Variants in CCDC57 observed in about 807,000 individuals in gnomAD.
The protein encoded by CCDC57 is coiled-coil domain containing 57.
In CCDC57, 118 loss-of-function variants were observed where a neutral mutation model predicts 118.9. The observed-to-expected ratio is 0.99, with a 90% CI of 0.86 to 1.16. The LOEUF (loss-of-function observed/expected upper bound fraction) is 1.16. CCDC57 is among the 50% of genes most tolerant of loss of function. The probability of loss-of-function intolerance (pLI) is 0.00; values close to 1 mark genes in which losing one functional copy is unlikely to be tolerated. For synonymous variants in CCDC57, 527 were observed against 532.9 expected, an observed-to-expected ratio of 0.99 and a Z score of 0.15; for missense variants, 1,300 against 1,320.7, an observed-to-expected ratio of 0.98 and a Z score of 0.24.
intron 16 of CCDC57, chr17:82,135,013 A>G (rs376141587): frequency 6.6e-6 from 1 of 152,208 alleles, no homozygotes; most frequent in Admixed American, 6.6e-5. Flanking sequence ...CAGGATTACA[A>G]ATCAGTTTCG....
chr17:82,134,065 G>A lies in CCDC57; in HGVS notation c.2577+8C>T, dbSNP rs4789754. The A allele has an allele frequency of 0.43, 598,100 of 1,380,424 alleles. 135,386 individuals are homozygous for A. Among genetic ancestry groups the A allele is most frequent in the East Asian group, 0.88 (28,751 of 32,530 alleles). The allele number at this position is 1,380,424 out of a possible 1,614,324, so 85.5% of individuals were successfully genotyped here. A position where few individuals can be genotyped will look rare whatever the true frequency, so the allele number is the denominator to read the frequency against. On this transcript the variant is annotated splice_region_variant and intron_variant, in intron 17 of 19. Transcript: ENST00000665763. ...TAAAAATGCATGTCTTAGATGAAGG[G>A]GTGTTACCTGAGATGTAAAATGGGG...
chr17:82,102,253 C>T (rs796720036), intron 19 of CCDC57, among the ~76,000 whole-genome samples: 2 of 152,174 alleles, frequency 1.3e-5, no homozygotes, highest in African/African-American at 4.8e-5. Flanking sequence ...AAAGCTCCTC[C>T]CCCCAGGCTG....
At chr17:82,102,007 C>T in intron 19 of CCDC57, 141 bp from the exon 19 acceptor site, 6 of 828,700 alleles carry the variant, frequency 7.2e-6, no homozygotes, top group Non-Finnish European at 1.1e-5. Context: ...GGCTTTCCTC[C>T]AGGAGTCCGT....
chr17:82,167,844 G>C (rs2044197796), intron 13 of CCDC57, among the ~76,000 whole-genome samples: 1 of 152,214 alleles, frequency 6.6e-6, no homozygotes, highest in South Asian at 2.1e-4. Context: ...TTCAACTACT[G>C]ACCTCAGGTG....
rs150070783 is a variant in CCDC57, at chr17:82,110,555, C to T, written c.2900-8689G>A. On this transcript the variant is annotated intron_variant, in intron 19 of 19. Transcript: ENST00000665763. ...CAGGTAGATGATTCACTTTCTCTTT[C>T]GGCAAACAGACCATGCCTAGAATCT... 4.1e-4 allele frequency among the ~76,000 whole-genome samples: 62 copies of T among 152,290 alleles called. 1 individual carries two copies. Among genetic ancestry groups the T allele is most frequent in the African/African-American group, 1.4e-3 (57 of 41,568 alleles).
chr17:82,125,517 A>G (rs1331626526), intron 19 of CCDC57, among the ~76,000 whole-genome samples: 2 of 152,022 alleles, frequency 1.3e-5, no homozygotes, highest in Non-Finnish European at 2.9e-5. Flanking sequence ...CTGGGATTAC[A>G]GGCATGCGCC....
chr17:82,208,697 A>T (rs2049951933), intron 1 of CCDC57, among the ~76,000 whole-genome samples: 1 of 150,382 alleles, frequency 6.6e-6, no homozygotes, highest in Non-Finnish European at 1.5e-5. Flanking sequence ...TGCCCAGTTA[A>T]TTTTTTTTTT....
At chr17:82,197,690 T>C (rs1222155955) in intron 4 of CCDC57, among the ~76,000 whole-genome samples, 1 of 152,216 alleles carries the variant, frequency 6.6e-6, no homozygotes, top group Non-Finnish European at 1.5e-5. Flanking sequence ...TGGGAGTGTC[T>C]GCAAGGGTGT....
chr17:82,152,157 A>G (rs1456233734), intron 15 of CCDC57: 6 of 246,196 alleles, frequency 2.4e-5, no homozygotes, highest in Admixed American at 1.0e-4. Flanking sequence ...GAGAGCAGAG[A>G]GAAGGCTGTG....
intron 16 of CCDC57, among the ~76,000 whole-genome samples, chr17:82,142,092 C>T (rs1332428876): frequency 6.6e-6 from 1 of 152,182 alleles, no homozygotes; most frequent in Non-Finnish European, 1.5e-5. Flanking sequence ...TGTCCAGTTT[C>T]CTCATTGTTT....
intron 19 of CCDC57, among the ~76,000 whole-genome samples, chr17:82,103,187 C>T (rs2034586540): frequency 6.6e-6 from 1 of 152,236 alleles, no homozygotes; most frequent in African/African-American, 2.4e-5. Context: ...CCACACACTC[C>T]CAGCCCTGGC....
intron 4 of CCDC57, among the ~76,000 whole-genome samples, chr17:82,195,573 AT>A (rs2048204142): frequency 2.0e-5 from 3 of 152,040 alleles, no homozygotes. Flanking sequence ...GAGCCCAGGA[AT>A]TCAAGACCAG....
chr17:82,185,339 T>G (rs1369160342), intron 8 of CCDC57, among the ~76,000 whole-genome samples: 1 of 151,990 alleles, frequency 6.6e-6, no homozygotes, highest in Non-Finnish European at 1.5e-5. Context: ...AAAAGAAGGC[T>G]GGGCATGGTG....
chr17:82,142,010 C>T (rs2040078565), intron 16 of CCDC57, among the ~76,000 whole-genome samples: 1 of 152,184 alleles, frequency 6.6e-6, no homozygotes, highest in Admixed American at 6.5e-5. Flanking sequence ...CTGCCTCCAT[C>T]TGAAACTCGA....
rs1178918383 is a variant in CCDC57 at position 82,172,473 on chromosome 17, A to G, written c.1729+165T>C. On this transcript the variant is annotated intron_variant, in intron 12 of 19. Coordinates refer to ENST00000665763, the Ensembl canonical transcript of CCDC57. The surrounding 1 kb of genome is among the most constrained non-coding windows in gnomAD (Gnocchi z 5.2). Reference sequence around the variant, plus strand: ...TAAAACTTAAGATCCCTTCTCTTGGAGAAAAAGCAGTTTTCATACTTTGAG... The same window carrying G: ...TAAAACTTAAGATCCCTTCTCTTGGGGAAAAAGCAGTTTTCATACTTTGAG... Among the ~76,000 whole-genome samples the G allele has an allele frequency of 6.6e-6, 1 of 152,224 alleles. No individual in the cohort carries two copies. The highest frequency in any genetic ancestry group is 6.5e-5 in the Admixed American group (1 of 15,288).
At chr17:82,101,638 G>C in exon 20 of CCDC57, 1 of 1,479,824 alleles carries the variant, frequency 6.8e-7, no homozygotes, top group Non-Finnish European at 9.2e-7. Flanking sequence ...GCACCATGCG[G>C]AGGCCCCGAG....
intron 2 of CCDC57, among the ~76,000 whole-genome samples, chr17:82,206,977 C>T (rs1243343840): frequency 1.3e-5 from 2 of 152,132 alleles, no homozygotes; most frequent in East Asian, 1.9e-4. Context: ...AGCCCTTTCC[C>T]GAAACAAACC....
intron 16 of CCDC57, among the ~76,000 whole-genome samples, chr17:82,140,065 T>C (rs1034068992): frequency 1.3e-5 from 2 of 152,198 alleles, no homozygotes; most frequent in African/African-American, 4.8e-5. Context: ...AAACAGAACA[T>C]TTGTAAGTGA....
At chr17:82,126,234 T>C (rs7406095) in intron 19 of CCDC57, 160,993 of 309,456 alleles carry the variant, frequency 0.52, 43,124 homozygotes, top group African/African-American at 0.57. Context: ...GAGCTGAGAT[T>C]GCGCCATTGC....
Sources: allele counts gnomAD v4.1 joint callset (sites outside exome capture counted in the v4.1 genomes callset), GRCh38; gene constraint gnomAD v4.1.1; non-coding constraint Gnocchi (gnomAD v3.1); transcripts MANE v1.5; gene names NCBI Gene and HGNC (gene_info 2026-07-23, HGNC 2026-07-21).